The following DLC1 variants were observed in gnomAD, a reference collection of about 807,000 sequenced individuals.
DLC1 encodes the protein DLC1 Rho GTPase activating protein.
DLC1 carries 54 observed loss-of-function variants against 140.3 expected under a neutral mutation model. That is an observed-to-expected ratio of 0.38 (90% CI 0.31 to 0.48). The LOEUF (loss-of-function observed/expected upper bound fraction) is 0.48. Among genes scored for constraint, DLC1 ranks in the 20% least tolerant of loss-of-function variants. The pLI, the probability that DLC1 is intolerant of heterozygous loss-of-function variation, is 0.96. For missense variants in DLC1, 2,536 were observed against 1,907.0 expected (o/e 1.33, Z -6.14); for synonymous variants, 986 against 728.1 (o/e 1.35, Z -5.70).
chr8:13,492,582 T>C (rs559787085), intron 2 of DLC1, among the ~76,000 whole-genome samples: 1 of 151,718 alleles, frequency 6.6e-6, no homozygotes, highest in East Asian at 2.0e-4. Context: ...TTATACGTCA[T>C]TCAAACAGAA....
intron 5 of DLC1, among the ~76,000 whole-genome samples, chr8:13,298,462 A>G (rs1451601773): frequency 1.3e-5 from 2 of 152,234 alleles, no homozygotes; most frequent in South Asian, 2.1e-4. Context: ...GCATTTTTAT[A>G]ATTACAATTT....
At chr8:13,189,281 C>A (rs1826603945) in intron 5 of DLC1, among the ~76,000 whole-genome samples, 1 of 152,146 alleles carries the variant, frequency 6.6e-6, no homozygotes, top group Non-Finnish European at 1.5e-5. Flanking sequence ...TCTAAATATT[C>A]TCCTCTTTGC....
At chr8:13,323,688 G>T (rs1196580593) in intron 4 of DLC1, among the ~76,000 whole-genome samples, 1 of 152,088 alleles carries the variant, frequency 6.6e-6, no homozygotes, top group East Asian at 1.9e-4. Flanking sequence ...TCAGGCATAT[G>T]GTATTCGTGC....
intron 4 of DLC1, among the ~76,000 whole-genome samples, chr8:13,373,205 G>T (rs1029700430): frequency 6.6e-6 from 1 of 151,998 alleles, no homozygotes; most frequent in Non-Finnish European, 1.5e-5. Context: ...GGTGCAAACG[G>T]GTGACTGAAT....
Position 13,459,590 on chromosome 8 carries a change from T to A in DLC1, c.1023+39459A>T, listed in dbSNP as rs148374429. On this transcript the variant is annotated intron_variant, in intron 2 of 17. Coordinates refer to ENST00000276297, the MANE Select transcript of DLC1 (RefSeq NM_182643.3). ...TTCCAATGGGGGCAGGGGCTGGGAG[T>A]GCACAGTGGTGAGCCCTGGGCCCCA... Among the ~76,000 whole-genome samples, 909 of 152,120 alleles carry A rather than the reference T, an allele frequency of 6.0e-3. 7 individuals carry two copies. Among genetic ancestry groups the A allele is most frequent in the South Asian group, 0.034 (163 of 4,816 alleles).
intron 5 of DLC1, among the ~76,000 whole-genome samples, chr8:13,146,564 GTAA>G (rs1196437684): frequency 7.9e-5 from 12 of 151,704 alleles, no homozygotes; most frequent in African/African-American, 2.9e-4. Flanking sequence ...AGTAGTCATA[GTAA>G]TTTGATCTGT....
In DLC1 at chr8:13,415,654, C is replaced by G. The variant is rs751207884; in HGVS notation, c.1024-14035G>C. ...GACCTCATGATCTGCCTGCCTTGGCCTCTCAAAGTGCTGGGATTACAGGCA... is the reference window on the plus strand; with the variant it reads ...GACCTCATGATCTGCCTGCCTTGGCGTCTCAAAGTGCTGGGATTACAGGCA... On this transcript the variant is annotated intron_variant, in intron 2 of 17. Transcript: ENST00000276297. 2.6e-5 allele frequency among the ~76,000 whole-genome samples: 4 copies of G among 152,062 alleles called. No individual in the cohort carries two copies. The East Asian group carries it at 7.7e-4, about 29-fold the overall frequency.
chr8:13,212,218 A>G (rs944174759), intron 5 of DLC1, among the ~76,000 whole-genome samples: 2 of 152,200 alleles, frequency 1.3e-5, no homozygotes, highest in African/African-American at 4.8e-5. Context: ...TAAAAATATC[A>G]GGATGACCAA....
rs140485107 is a variant in DLC1 at position 13,374,656 on chromosome 8, G to A, written c.1314+18897C>T. On this transcript the variant is annotated intron_variant, in intron 4 of 17. Transcript: ENST00000276297. ...AAATTAGTCAGGAGTGGTAGTATGC[G>A]CCTGTAATCCTTGGTCCTAGGAGGC... 3.2e-4 allele frequency among the ~76,000 whole-genome samples: 49 copies of A among 152,182 alleles called. 2 individuals carry two copies. The East Asian group carries it at 8.5e-3, about 27-fold the overall frequency.
chr8:13,364,946 C>T (rs956319545), intron 4 of DLC1, among the ~76,000 whole-genome samples: 2 of 152,090 alleles, frequency 1.3e-5, no homozygotes, highest in African/African-American at 2.4e-5. Context: ...TAAAAGGACC[C>T]TCATCTTTTG....
chr8:13,376,366 C>G (rs991983493), intron 4 of DLC1, among the ~76,000 whole-genome samples: 2 of 152,136 alleles, frequency 1.3e-5, no homozygotes, highest in Admixed American at 1.3e-4. Context: ...TCCTCTATTC[C>G]TCTAAGTAAG....
At chr8:13,321,414 T>C (rs1833106739) in intron 4 of DLC1, among the ~76,000 whole-genome samples, 1 of 151,870 alleles carries the variant, frequency 6.6e-6, no homozygotes. Context: ...GGTGCGTGCC[T>C]GTAGTCTCAG....
intron 1 of DLC1, among the ~76,000 whole-genome samples, chr8:13,551,767 T>C (rs1803861641): frequency 2.0e-5 from 3 of 151,064 alleles, no homozygotes; most frequent in African/African-American, 7.3e-5. Flanking sequence ...ATCAAACATA[T>C]GTATCTATCA....
At chr8:13,545,707 A>G (rs1803628795) in intron 1 of DLC1, among the ~76,000 whole-genome samples, 1 of 152,104 alleles carries the variant, frequency 6.6e-6, no homozygotes, top group Non-Finnish European at 1.5e-5. Context: ...AGAATTCTAC[A>G]CCTGGCTGAA....
chr8:13,229,101 A>G (rs933146017), intron 5 of DLC1, among the ~76,000 whole-genome samples: 1 of 152,164 alleles, frequency 6.6e-6, no homozygotes, highest in Non-Finnish European at 1.5e-5. Flanking sequence ...AGCAACGAAA[A>G]TGCATGCTCA....
chr8:13,538,189 T>C (rs1803358269), intron 1 of DLC1, among the ~76,000 whole-genome samples: 1 of 152,128 alleles, frequency 6.6e-6, no homozygotes, highest in Non-Finnish European at 1.5e-5. Flanking sequence ...GGAGCAGAGA[T>C]AATATGACGA....
At position 13,098,492 on chromosome 8, in the gene DLC1, A is replaced by G; in HGVS notation, c.3074T>C (p.Val1025Ala). ...TTTCTGCAGCAGGTTCATCTGGGCC[A>G]CAGACTGGCAGTTAATCTGTAGTGA... is the stretch of plus-strand genomic sequence containing the variant. The part of the protein sequence containing the change: ...SVSLQINCQS[V>A]AQMNLLQKYS... Residue 1025 changes from valine (V) to alanine (A), a missense_variant, in exon 10 of 18, where the codon GTG becomes GCG. Transcript: ENST00000276297. 1 of 1,614,238 alleles carries G rather than the reference A, an allele frequency of 6.2e-7. No homozygotes were observed. The highest frequency in any genetic ancestry group is 8.5e-7 in the Non-Finnish European group (1 of 1,180,036).
At chr8:13,424,694 C>A (rs899665747) in intron 2 of DLC1, among the ~76,000 whole-genome samples, 1 of 151,732 alleles carries the variant, frequency 6.6e-6, no homozygotes, top group Non-Finnish European at 1.5e-5. Flanking sequence ...TGCCTTAGCC[C>A]CCTGAGTAGC....
At chr8:13,150,011 T>C (rs1372528335) in intron 5 of DLC1, among the ~76,000 whole-genome samples, 1 of 152,234 alleles carries the variant, frequency 6.6e-6, no homozygotes, top group Non-Finnish European at 1.5e-5. Flanking sequence ...GGGCCAGTAT[T>C]ACATCAGCCA....
Sources: allele counts gnomAD v4.1 joint callset (sites outside exome capture counted in the v4.1 genomes callset), GRCh38; gene constraint gnomAD v4.1.1; transcripts MANE v1.5; gene names NCBI Gene and HGNC (gene_info 2026-07-23, HGNC 2026-07-21).